Variants in NTNG1 observed in about 807,000 individuals in gnomAD.
NTNG1 encodes netrin-G1.
NTNG1 carries 16 observed loss-of-function variants against 54.0 expected under a neutral mutation model. The observed-to-expected ratio is 0.30, with a 90% confidence interval of 0.20 to 0.45. NTNG1 has a LOEUF of 0.45. NTNG1 is among the 20% of genes least tolerant of loss of function. NTNG1 has a pLI of 1.00. For missense variants in NTNG1, 530 were observed against 678.7 expected (o/e 0.78, Z 2.43); for synonymous variants, 255 against 263.1 (o/e 0.97, Z 0.30).
intron 2 of NTNG1, among the ~76,000 whole-genome samples, chr1:107,292,669 G>C (rs549314856): frequency 6.6e-6 from 1 of 152,098 alleles, no homozygotes; most frequent in East Asian, 1.9e-4. Context: ...TGACCTCCTA[G>C]GGTCATTAAG....
At chr1:107,196,389 T>G (rs12144987) in intron 2 of NTNG1, among the ~76,000 whole-genome samples, 1 of 151,970 alleles carries the variant, frequency 6.6e-6, no homozygotes, top group African/African-American at 2.4e-5. Flanking sequence ...ATATAATGTA[T>G]ATAAACTACT....
intron 2 of NTNG1, among the ~76,000 whole-genome samples, chr1:107,246,324 A>G (rs943465421): frequency 5.3e-5 from 8 of 151,924 alleles, no homozygotes; most frequent in African/African-American, 1.9e-4. Flanking sequence ...AAGTGCTGGG[A>G]TTACAGGCTT....
chr1:107,430,241 A>T (rs1675172719), intron 5 of NTNG1, among the ~76,000 whole-genome samples: 1 of 152,098 alleles, frequency 6.6e-6, no homozygotes, highest in Non-Finnish European at 1.5e-5. Flanking sequence ...ATTTGCCATG[A>T]TGTATATGAA....
chr1:107,217,227 C>T (rs1447706032), intron 2 of NTNG1, among the ~76,000 whole-genome samples: 4 of 152,072 alleles, frequency 2.6e-5, no homozygotes, highest in African/African-American at 9.7e-5. Context: ...CTAGTTTATG[C>T]ATGTAACTGT....
At chr1:107,232,781 A>C (rs1356266147) in intron 2 of NTNG1, among the ~76,000 whole-genome samples, 1 of 152,176 alleles carries the variant, frequency 6.6e-6, no homozygotes, top group African/African-American at 2.4e-5. Context: ...GTCCAATCTC[A>C]TGTTTTGTAA....
chr1:107,401,688 GT>G (rs11389964), intron 4 of NTNG1, among the ~76,000 whole-genome samples: 217 of 145,540 alleles, frequency 1.5e-3, no homozygotes, highest in East Asian at 7.3e-3. Context: ...AATTTTCATA[GT>G]TTTTTTTTTT....
intron 2 of NTNG1, among the ~76,000 whole-genome samples, chr1:107,193,555 A>G (rs1180640734): frequency 1.3e-5 from 2 of 151,980 alleles, no homozygotes; most frequent in Non-Finnish European, 2.9e-5. Flanking sequence ...GGCCACTTTC[A>G]TACGCAGCAG....
At chr1:107,338,437 G>A (rs1027761713) in intron 3 of NTNG1, among the ~76,000 whole-genome samples, 1 of 151,860 alleles carries the variant, frequency 6.6e-6, no homozygotes, top group African/African-American at 2.4e-5. Flanking sequence ...TCTCTCCCCA[G>A]CTAGGTCTGC....
chr1:107,365,723 C>T (rs1670558010), intron 3 of NTNG1, among the ~76,000 whole-genome samples: 1 of 152,188 alleles, frequency 6.6e-6, no homozygotes, highest in Non-Finnish European at 1.5e-5. Context: ...CATAATCCCT[C>T]AGGATCTGAA....
intron 2 of NTNG1, among the ~76,000 whole-genome samples, chr1:107,323,575 A>G (rs1667775919): frequency 6.6e-6 from 1 of 152,102 alleles, no homozygotes; most frequent in Admixed American, 6.6e-5. Context: ...TCTTGTCCTG[A>G]TAACTTGGAG....
At chr1:107,467,318 C>A (rs928639344) in intron 7 of NTNG1, among the ~76,000 whole-genome samples, 2 of 152,144 alleles carry the variant, frequency 1.3e-5, no homozygotes, top group Non-Finnish European at 2.9e-5. Flanking sequence ...CTAGAAGACA[C>A]AGGAGTATGC....
intron 2 of NTNG1, among the ~76,000 whole-genome samples, chr1:107,169,232 GA>G (rs1252800093): frequency 6.6e-6 from 1 of 152,098 alleles, no homozygotes; most frequent in African/African-American, 2.4e-5. Context: ...GAAATTCAAG[GA>G]AATTTGGAGA....
intron 2 of NTNG1, among the ~76,000 whole-genome samples, chr1:107,297,172 A>ATCATATATATAACG (rs1553220329): frequency 7.1e-6 from 1 of 140,964 alleles, no homozygotes; most frequent in African/African-American, 2.6e-5. Flanking sequence ...TATATATAAC[A>ATCATATATATAACG]TCATATAACA....
chr1:107,437,079 A>G (rs1333632494), intron 7 of NTNG1, among the ~76,000 whole-genome samples: 4 of 152,264 alleles, frequency 2.6e-5, no homozygotes, highest in East Asian at 3.9e-4. Context: ...ATTAAGTGAC[A>G]CAATAGGGAC....
chr1:107,436,700 C>A lies in NTNG1; in HGVS notation c.1291C>A (p.Arg431Ser), dbSNP rs1445032293. 1 of 1,613,250 alleles carries A rather than the reference C, an allele frequency of 6.2e-7. No individual in the cohort carries two copies. The highest frequency in any genetic ancestry group is 1.3e-5 in the African/African-American group (1 of 74,880). Residue 431 changes from arginine (R) to serine (S), a missense_variant, in exon 7 of 8, where the codon CGT (arginine) becomes AGT (serine). By Grantham distance (110) the Arg-to-Ser change is moderately radical. This residue lies in a region of NTNG1 where 212 missense variants were observed against 213.6 expected (regional missense o/e 0.99). Coordinates refer to ENST00000370068, the MANE Select transcript of NTNG1 (RefSeq NM_001113226.3). ...TAACCCTTTGGGCTCAATCCATGAT[C>A]GTTGTAATGGCTCAGGATTTTGTGA... is the stretch of plus-strand genomic sequence containing the variant. ...YCNPLGSIHD[R>S]CNGSGFCECK...
At chr1:107,199,908 G>A (rs1658612480) in intron 2 of NTNG1, among the ~76,000 whole-genome samples, 1 of 151,772 alleles carries the variant, frequency 6.6e-6, no homozygotes, top group South Asian at 2.1e-4. Flanking sequence ...TTATCAATCA[G>A]TAACCTTCTG....
At chr1:107,311,607 G>A (rs1336340070) in intron 2 of NTNG1, among the ~76,000 whole-genome samples, 2 of 151,926 alleles carry the variant, frequency 1.3e-5, no homozygotes, top group Non-Finnish European at 2.9e-5. Context: ...GCTTGATTAT[G>A]TCAATTCCCA....
intron 2 of NTNG1, among the ~76,000 whole-genome samples, chr1:107,154,342 T>C (rs12073727): frequency 0.38 from 57,259 of 151,710 alleles, 12,305 homozygotes; most frequent in African/African-American, 0.6. Flanking sequence ...CAGTGGCTGA[T>C]ACCTGTAATC....
intron 2 of NTNG1, among the ~76,000 whole-genome samples, chr1:107,184,611 G>A (rs1364641187): frequency 1.3e-5 from 2 of 151,918 alleles, no homozygotes; most frequent in Admixed American, 1.3e-4. Flanking sequence ...CACTACATTC[G>A]ACAAAAGACA....
Sources: allele counts gnomAD v4.1 joint callset (sites outside exome capture counted in the v4.1 genomes callset), GRCh38; gene constraint gnomAD v4.1.1; regional missense constraint gnomAD v4.1.1; transcripts MANE v1.5; gene names NCBI Gene and HGNC (gene_info 2026-07-23, HGNC 2026-07-21).